The following ATG7 variants were observed in gnomAD, a reference collection of about 807,000 sequenced individuals.
ATG7 encodes the protein ubiquitin-like modifier-activating enzyme ATG7.
A neutral mutation model predicts 82.4 loss-of-function variants in ATG7; 70 were observed. The observed-to-expected ratio is 0.85, with a 90% CI of 0.70 to 1.04. The LOEUF (loss-of-function observed/expected upper bound fraction) is 1.04. ATG7 is among the 50% of genes least tolerant of loss of function. ATG7 has a pLI of 0.00. For missense variants in ATG7, 792 were observed against 864.3 expected (o/e 0.92, Z 1.05); for synonymous variants, 287 against 313.0 (o/e 0.92, Z 0.88).
chr3:11,572,700 G>T, the ATG7 span, among the ~76,000 whole-genome samples: 1 of 152,140 alleles, frequency 6.6e-6, no homozygotes, highest in Admixed American at 6.5e-5. Context: ...TTGTACAACC[G>T]TGTCTTTCCC....
chr3:11,488,654 C>T (rs570357691), intron 20 of ATG7, among the ~76,000 whole-genome samples: 2 of 152,302 alleles, frequency 1.3e-5, no homozygotes, highest in African/African-American at 4.8e-5. Context: ...CCGTGACCTC[C>T]TCTCAAGATG....
At chr3:11,319,150 G>A (rs1949863846) in intron 9 of ATG7, among the ~76,000 whole-genome samples, 2 of 152,302 alleles carry the variant, frequency 1.3e-5, no homozygotes, top group Middle Eastern at 3.4e-3. Context: ...ATTAAAGAAG[G>A]CTTTTGCCGG....
chr3:11,320,753 C>G (rs1559389196), intron 9 of ATG7, among the ~76,000 whole-genome samples: 1 of 152,234 alleles, frequency 6.6e-6, no homozygotes, highest in Non-Finnish European at 1.5e-5. Flanking sequence ...TGAATTCATG[C>G]ATAAATGAGT....
intron 15 of ATG7, among the ~76,000 whole-genome samples, 178 bp downstream of exon 15, chr3:11,358,790 A>G (rs1258980248): frequency 1.3e-5 from 2 of 152,204 alleles, no homozygotes; most frequent in Admixed American, 1.3e-4. Flanking sequence ...ACCCAATGTA[A>G]TAAGTACCAT....
chr3:11,342,123 C>T lies in ATG7; in HGVS notation c.981-12C>T. ...AAGGAGTGACTGAATAAGTAAATCT[C>T]TCCTTTTCTAGGTTAGCTGAGTCAT... is the stretch of plus-strand genomic sequence containing the variant. On this transcript the variant is annotated splice_polypyrimidine_tract_variant and intron_variant, in intron 12 of 20. Transcript: ENST00000693202. 1 of 1,608,100 alleles carries T rather than the reference C, an allele frequency of 6.2e-7. No individual in the cohort carries two copies.
At chr3:11,563,380 C>T in the ATG7 span, among the ~76,000 whole-genome samples, 1 of 152,262 alleles carries the variant, frequency 6.6e-6, no homozygotes, top group Non-Finnish European at 1.5e-5. Flanking sequence ...CAGAAAGGTC[C>T]ACTGCCCACC....
Position 11,426,904 on chromosome 3 carries a change from A to T in ATG7, c.2057A>T (p.His686Leu). The T allele has an allele frequency of 6.2e-7, 1 of 1,606,132 alleles. No individual in the cohort carries two copies. Among genetic ancestry groups the T allele is most frequent in the Non-Finnish European group, 8.5e-7 (1 of 1,177,182 alleles). Reference sequence around the variant, plus strand: ...GACTTGACTGGTCTTACATTGCTGCATCAAGAAACCCAAGCTGCTGAGGTA... The same window carrying T: ...GACTTGACTGGTCTTACATTGCTGCTTCAAGAAACCCAAGCTGCTGAGGTA... ...LEDLTGLTLL[H>L]QETQAAEIWD... Residue 686 changes from histidine to leucine, a missense_variant, in exon 20 of 21, where the codon CAT (histidine) becomes CTT (leucine). Coordinates refer to ENST00000693202, the MANE Select transcript of ATG7 (RefSeq NM_001349232.2).
intron 18 of ATG7, among the ~76,000 whole-genome samples, chr3:11,376,717 C>T (rs928496880): frequency 6.6e-6 from 1 of 152,068 alleles, no homozygotes; most frequent in Non-Finnish European, 1.5e-5. Flanking sequence ...GCAAGGAATT[C>T]TCTGCCTTAT....
intron 20 of ATG7, among the ~76,000 whole-genome samples, chr3:11,431,138 C>T (rs537773752): frequency 8.5e-5 from 13 of 152,336 alleles, no homozygotes; most frequent in African/African-American, 2.6e-4. Flanking sequence ...CAGTGGCTCA[C>T]GCCTGTAATC....
chr3:11,375,454 A>G (rs1226773830), intron 18 of ATG7, among the ~76,000 whole-genome samples: 1 of 152,254 alleles, frequency 6.6e-6, no homozygotes, highest in Non-Finnish European at 1.5e-5. Context: ...CCATAGTTAG[A>G]TACCATTTCA....
chr3:11,426,666 C>A, intron 19 of ATG7, 138 bp from the exon 20 acceptor site: 1 of 745,684 alleles, frequency 1.3e-6, no homozygotes, highest in Non-Finnish European at 1.9e-6. Flanking sequence ...GTTTTTTGGC[C>A]ACTAGATTGC....
In ATG7 at chr3:11,355,208, GGGAGACACT is replaced by G. The variant is rs530931141; in HGVS notation, c.1285-3205_1285-3197del. Among the ~76,000 whole-genome samples the G allele has an allele frequency of 1.0e-3, 158 of 152,274 alleles. 1 individual carries two copies. The highest frequency in any genetic ancestry group is 1.5e-3 in the Non-Finnish European group (99 of 68,028). ...GGAGATTCCAGAGTTCACACGAGCT[GGGAGACACT>G]GGAGTTCTGTATACGGAGTGGAGAG... On this transcript the variant is annotated intron_variant, in intron 14 of 20. Coordinates refer to ENST00000693202, the MANE Select transcript of ATG7 (RefSeq NM_001349232.2).
intron 20 of ATG7, chr3:11,446,960 GTT>G (rs1382513867): frequency 6.5e-6 from 1 of 152,740 alleles, no homozygotes; most frequent in Non-Finnish European, 1.5e-5. Flanking sequence ...AGTCAGTGGT[GTT>G]TTTTAGTGTC....
chr3:11,393,527 ATAT>A (rs1181402650), intron 19 of ATG7, among the ~76,000 whole-genome samples: 2 of 152,166 alleles, frequency 1.3e-5, no homozygotes, highest in African/African-American at 4.8e-5. Flanking sequence ...GACCCTGGAA[ATAT>A]TATGTCTTGT....
chr3:11,343,847 A>C (rs1452616109), intron 13 of ATG7, among the ~76,000 whole-genome samples: 1 of 152,046 alleles, frequency 6.6e-6, no homozygotes, highest in East Asian at 1.9e-4. Context: ...TTTTATTCCT[A>C]TATTCATGCT....
chr3:11,321,349 G>A (rs1409962393), intron 9 of ATG7, among the ~76,000 whole-genome samples: 1 of 152,190 alleles, frequency 6.6e-6, no homozygotes, highest in African/African-American at 2.4e-5. Flanking sequence ...CTATGAGAGA[G>A]TGGGTACCTG....
intron 4 of ATG7, 176 bp downstream of exon 4, chr3:11,299,031 T>A: frequency 2.7e-6 from 2 of 734,632 alleles, no homozygotes; most frequent in Non-Finnish European, 4.3e-6. Context: ...TTATTTTCTC[T>A]TGTTGTGGGG....
chr3:11,363,201 G>A, intron 17 of ATG7: 1 of 339,642 alleles, frequency 2.9e-6, no homozygotes, highest in Non-Finnish European at 5.5e-6. Flanking sequence ...TTTGTGCTAG[G>A]CACTGTTCTA....
At chr3:11,325,005 T>A (rs1950667238) in intron 9 of ATG7, among the ~76,000 whole-genome samples, 1 of 152,178 alleles carries the variant, frequency 6.6e-6, no homozygotes, top group South Asian at 2.1e-4. Context: ...ACCTTCTATG[T>A]GTTTAGATTT....
Sources: gnomAD v4.1 joint callset for allele counts (sites outside exome capture counted in the v4.1 genomes callset) on GRCh38, gnomAD v4.1.1 for gene constraint, MANE v1.5 for transcripts, NCBI Gene and HGNC (gene_info 2026-07-23, HGNC 2026-07-21) for gene names.